The following LTN1 variants were observed in gnomAD, a reference collection of about 807,000 sequenced individuals.
The protein encoded by LTN1 is E3 ubiquitin-protein ligase listerin.
In LTN1, 88 loss-of-function variants were observed where a neutral mutation model predicts 201.2. The ratio of observed to expected loss-of-function variants is 0.44; its 90% CI spans 0.37 to 0.52. The LOEUF is 0.52. Among genes scored for constraint, LTN1 ranks in the 20% least tolerant of loss-of-function variants. LTN1 has a pLI of 0.00. For missense variants in LTN1, 1,752 were observed against 2,038.7 expected (o/e 0.86, Z 2.71); for synonymous variants, 645 against 713.5 (o/e 0.90, Z 1.53).
chr21:28,985,749 C>T (rs1601005495), intron 3 of LTN1, among the ~76,000 whole-genome samples: 1 of 151,798 alleles, frequency 6.6e-6, no homozygotes, highest in Non-Finnish European at 1.5e-5. Flanking sequence ...AACCTCCGCC[C>T]CACCGGGTTC....
In LTN1 at chr21:28,973,993, C is replaced by CA. The variant is rs200164242; in HGVS notation, c.811-2550dup. Among the ~76,000 whole-genome samples, 1,042 of 151,530 alleles carry CA rather than the reference C, an allele frequency of 6.9e-3. 8 individuals are homozygous for CA. The highest frequency in any genetic ancestry group is 0.011 in the Non-Finnish European group (740 of 67,828). Reference sequence around the variant, plus strand: ...TTGACTCTCACCTTCAGTTTATATGCAAAAAAAACCTCTAAATCCACTACA... The same window carrying CA: ...TTGACTCTCACCTTCAGTTTATATGCAAAAAAAAACCTCTAAATCCACTACA... On this transcript the variant is annotated intron_variant, in intron 6 of 29. Transcript: ENST00000361371.
At chr21:28,976,889 T>C (rs1171179047) in intron 6 of LTN1, among the ~76,000 whole-genome samples, 1 of 152,048 alleles carries the variant, frequency 6.6e-6, no homozygotes, top group Non-Finnish European at 1.5e-5. Context: ...CCCAAGTACT[T>C]AGGACTACTA....
intron 26 of LTN1, among the ~76,000 whole-genome samples, chr21:28,935,559 C>T (rs1467048817): frequency 6.6e-6 from 1 of 151,792 alleles, no homozygotes; most frequent in Non-Finnish European, 1.5e-5. Flanking sequence ...GTGAAAATCC[C>T]GCCGGGCGCA....
chr21:28,958,236 C>G (rs1393404201), intron 14 of LTN1, 150 bp downstream of exon 14: 1 of 637,842 alleles, frequency 1.6e-6, no homozygotes, highest in African/African-American at 1.9e-5. Context: ...CTCAACTGAT[C>G]CTCCCACCTC....
intron 21 of LTN1, 134 bp from the exon 22 acceptor site, chr21:28,944,730 A>G: frequency 1.6e-6 from 1 of 624,380 alleles, no homozygotes; most frequent in Non-Finnish European, 2.8e-6. Context: ...GTGTAATCTC[A>G]GGAGAAACAT....
chr21:28,943,680 G>A lies in LTN1; in HGVS notation c.4207C>T (p.His1403Tyr). 1 of 1,604,372 alleles carries A rather than the reference G, an allele frequency of 6.2e-7. No homozygotes were observed. The highest frequency in any genetic ancestry group is 8.5e-7 in the Non-Finnish European group (1 of 1,171,252). Residue 1403 changes from histidine to tyrosine, a missense_variant, in exon 23 of 30, where the codon CAT becomes TAT. Physicochemically the swap from His to Tyr is moderately conservative, Grantham distance 83. Transcript: ENST00000361371. The part of the protein sequence containing the change: ...RARPVQIAVY[H>Y]MLYKLMPELP... Reference sequence around the variant, plus strand: ...ATGAATTCTTACTTGTATAGCATATGATAAACAGCAATTTGCACAGGCCTA... The same window carrying A: ...ATGAATTCTTACTTGTATAGCATATAATAAACAGCAATTTGCACAGGCCTA...
chr21:28,982,399 G>C, intron 4 of LTN1, 31 bp from the exon 5 acceptor site: 1 of 1,562,280 alleles, frequency 6.4e-7, no homozygotes, highest in African/African-American at 1.4e-5. Flanking sequence ...AAAGCCTTTG[G>C]TTTTACTGAA....
chr21:28,951,796 A>G (rs2084384558), intron 18 of LTN1, among the ~76,000 whole-genome samples: 1 of 152,084 alleles, frequency 6.6e-6, no homozygotes, highest in Admixed American at 6.5e-5. Flanking sequence ...ACCTGGCAAG[A>G]CACCATCCCT....
intron 3 of LTN1, 33 bp from the exon 4 acceptor site, chr21:28,984,955 T>A (rs1054527937): frequency 5.4e-6 from 8 of 1,493,176 alleles, no homozygotes; most frequent in Admixed American, 1.9e-5. Context: ...TTAAAATAGC[T>A]CTAGCCCATA....
At chr21:28,990,156 T>G (rs187359885) in intron 1 of LTN1, among the ~76,000 whole-genome samples, 1 of 152,314 alleles carries the variant, frequency 6.6e-6, no homozygotes, top group East Asian at 1.9e-4. Context: ...TCCCACATTC[T>G]TTCTTCTAAT....
intron 17 of LTN1, among the ~76,000 whole-genome samples, 155 bp from the exon 18 acceptor site, chr21:28,952,419 T>G (rs2084390328): frequency 6.6e-6 from 1 of 152,224 alleles, no homozygotes; most frequent in African/African-American, 2.4e-5. Context: ...CAACTGCCAG[T>G]AATTATCCAA....
intron 19 of LTN1, 39 bp from the exon 20 acceptor site, chr21:28,946,326 G>A: frequency 7.3e-7 from 1 of 1,374,356 alleles, no homozygotes; most frequent in East Asian, 2.5e-5. Flanking sequence ...AAATATTTAA[G>A]AACTATATCG....
At chr21:28,961,414 G>T in intron 11 of LTN1, 1 of 164,610 alleles carries the variant, frequency 6.1e-6, no homozygotes. Context: ...AGGTGGGGAA[G>T]CAAGAAAAAA....
intron 5 of LTN1, 34 bp downstream of exon 5, chr21:28,982,282 T>C: frequency 1.9e-6 from 3 of 1,566,526 alleles, no homozygotes; most frequent in Non-Finnish European, 2.6e-6. Flanking sequence ...AAACAAATCC[T>C]TAACATGAGT....
intron 6 of LTN1, among the ~76,000 whole-genome samples, chr21:28,977,004 C>T (rs2084620387): frequency 6.6e-6 from 1 of 152,200 alleles, no homozygotes; most frequent in Non-Finnish European, 1.5e-5. Context: ...ATCCTCCCAC[C>T]TTGGCCTCCC....
intron 26 of LTN1, among the ~76,000 whole-genome samples, chr21:28,936,098 GATCTCCAA>G (rs2084254830): frequency 6.6e-6 from 1 of 152,144 alleles, no homozygotes; most frequent in Non-Finnish European, 1.5e-5. Context: ...TCCATCCTCA[GATCTCCAA>G]GGCATTTAAA....
At chr21:28,980,988 A>G (rs2084654034) in intron 6 of LTN1, 131 bp downstream of exon 6, 5 of 498,014 alleles carry the variant, frequency 1.0e-5, no homozygotes, top group Non-Finnish European at 1.7e-5. Context: ...GAGGTAATTC[A>G]GTAAATGAAT....
At chr21:28,933,851 T>C (rs980509512) in intron 27 of LTN1, among the ~76,000 whole-genome samples, 3 of 152,104 alleles carry the variant, frequency 2.0e-5, no homozygotes, top group Non-Finnish European at 4.4e-5. Context: ...TAATTTTGTA[T>C]TTTTAGTAGA....
chr21:28,990,572 G>A (rs2084736856), intron 1 of LTN1, among the ~76,000 whole-genome samples: 2 of 152,156 alleles, frequency 1.3e-5, no homozygotes, highest in African/African-American at 4.8e-5. Context: ...TTTGTTATTG[G>A]CCAATGGAAA....
Sources: allele counts gnomAD v4.1 joint callset (sites outside exome capture counted in the v4.1 genomes callset), GRCh38; gene constraint gnomAD v4.1.1; transcripts MANE v1.5; gene names NCBI Gene and HGNC (gene_info 2026-07-23, HGNC 2026-07-21).